Variants in ZNF282 observed in about 807,000 individuals in gnomAD.
ZNF282 encodes the protein HTLV-I U5 repressive element-binding protein 1.
ZNF282 carries 30 observed loss-of-function variants against 61.9 expected under a neutral mutation model. The ratio of observed to expected loss-of-function variants is 0.48; its 90% CI spans 0.36 to 0.66. ZNF282 has a LOEUF of 0.66. ZNF282 is among the 30% of genes least tolerant of loss of function. The pLI, the probability that ZNF282 is intolerant of heterozygous loss-of-function variation, is 0.00. For missense variants in ZNF282, 788 were observed against 941.4 expected, an observed-to-expected ratio of 0.84 and a Z score of 2.13; for synonymous variants, 396 against 405.0, an observed-to-expected ratio of 0.98 and a Z score of 0.27.
At chr7:149,211,698 C>T (rs983072201) in intron 5 of ZNF282, among the ~76,000 whole-genome samples, 13 of 152,256 alleles carry the variant, frequency 8.5e-5, no homozygotes, top group Non-Finnish European at 1.8e-4. Flanking sequence ...CTCATCCCCC[C>T]CTTAGTCAGA....
At position 149,207,427 on chromosome 7, in the gene ZNF282, G is replaced by A. The variant is rs746916083; in HGVS notation, c.789G>A (p.Gln263=). 2 of 1,567,518 alleles carry A rather than the reference G, an allele frequency of 1.3e-6. No homozygotes were observed. The highest frequency in any genetic ancestry group is 4.7e-5 in the East Asian group (2 of 42,566). The change falls in exon 4 of 8, where the codon CAG becomes CAA. Residue 263 remains glutamine (Q), a synonymous_variant. Transcript: ENST00000610704. ...GGGAAGAACCTTGTGTGTGGGAGCA[G>A]CGCCACCCCGAAGAGAGAGAAATCC... is the stretch of plus-strand genomic sequence containing the variant. ...EPREEPCVWE[Q]RHPEEREIPM... is the part of the protein sequence containing the mutation.
intron 7 of ZNF282, among the ~76,000 whole-genome samples, chr7:149,222,223 A>AGGTTGGGTGGCC (rs1371019990): frequency 6.6e-6 from 1 of 152,172 alleles, no homozygotes; most frequent in African/African-American, 2.4e-5. Context: ...CTGGGGTGGT[A>AGGTTGGGTGGCC]GGTTGGGTGG....
intron 4 of ZNF282, among the ~76,000 whole-genome samples, chr7:149,209,331 AC>A (rs1796046101): frequency 6.6e-6 from 1 of 151,000 alleles, no homozygotes; most frequent in South Asian, 2.1e-4. Context: ...AAAAAAAGAA[AC>A]CCCACACCCA....
Position 149,205,849 on chromosome 7 carries a change from C to T in ZNF282, c.586-847C>T, listed in dbSNP as rs376729558. Among the ~76,000 whole-genome samples, 37 of 152,022 alleles carry T rather than the reference C, an allele frequency of 2.4e-4. 2 individuals are homozygous for T. The highest frequency in any genetic ancestry group is 1.5e-3 in the Admixed American group (23 of 15,272). ...ACAGGATGGGGGAGGATTGAGGGGTCGGATTTCAGACCGAGAGTGAAAGGC... is the reference window on the plus strand; with the variant it reads ...ACAGGATGGGGGAGGATTGAGGGGTTGGATTTCAGACCGAGAGTGAAAGGC... On this transcript the variant is annotated intron_variant, in intron 2 of 7. Coordinates refer to ENST00000610704, the MANE Select transcript of ZNF282 (RefSeq NM_003575.4).
intron 4 of ZNF282, among the ~76,000 whole-genome samples, chr7:149,208,222 T>G (rs1212904): frequency 1.3e-5 from 2 of 152,038 alleles, no homozygotes; most frequent in Non-Finnish European, 2.9e-5. Context: ...CAGAGTCTCA[T>G]TCTGTGGTTC....
At chr7:149,209,883 A>G (rs1047818944) in intron 4 of ZNF282, among the ~76,000 whole-genome samples, 4 of 152,204 alleles carry the variant, frequency 2.6e-5, no homozygotes, top group East Asian at 1.9e-4. Flanking sequence ...GGTCTCGGAA[A>G]CTGTGGCTTT....
Position 149,221,906 on chromosome 7 carries a change from A to C in ZNF282, c.1181-1906A>C, listed in dbSNP as rs373943002. Among the ~76,000 whole-genome samples, 10 of 152,276 alleles carry C rather than the reference A, an allele frequency of 6.6e-5. No individual in the cohort carries two copies. The South Asian group carries it at 1.9e-3, about 28-fold the overall frequency. ...GTTGGGTCCTAGGCAGAGGGGTGTG[A>C]GCACGGAGAAAAGGATGCTGAGAAG... On this transcript the variant is annotated intron_variant, in intron 7 of 7. Transcript: ENST00000610704.
At chr7:149,209,485 A>G (rs1227709127) in intron 4 of ZNF282, among the ~76,000 whole-genome samples, 1 of 152,142 alleles carries the variant, frequency 6.6e-6, no homozygotes, top group Non-Finnish European at 1.5e-5. Context: ...GCAGAAGTTT[A>G]AGGTCAGCAG....
Position 149,195,629 on chromosome 7 carries a change from G to A in ZNF282, c.40G>A (p.Gly14Ser), listed in dbSNP as rs1466270476. 2.5e-6 allele frequency: 4 copies of A among 1,610,156 alleles called. No homozygotes were observed. The change falls in exon 1 of 8, where the codon GGC (glycine) becomes AGC (serine). Residue 14 changes from glycine (G) to serine (S), a missense_variant. This residue lies in a region of ZNF282 where 137 missense variants were observed against 135.4 expected (regional missense o/e 1.01). Transcript: ENST00000610704. ...AACACGGCCGCAGCCTCAGCAGCTG[G>A]GCATCCAGGGCCTGGGGCTGGACAG... ...VSTRPQPQQLGIQGLGLDSGS... is the reference protein window; with the variant it reads ...VSTRPQPQQLSIQGLGLDSGS...
chr7:149,201,525 G>T (rs1301904522), intron 2 of ZNF282, among the ~76,000 whole-genome samples: 1 of 152,192 alleles, frequency 6.6e-6, no homozygotes, highest in Admixed American at 6.5e-5. Flanking sequence ...GGCCGGGCAG[G>T]TGGGTCATGT....
At chr7:149,205,641 C>T (rs545069905) in intron 2 of ZNF282, among the ~76,000 whole-genome samples, 1 of 152,182 alleles carries the variant, frequency 6.6e-6, no homozygotes, top group African/African-American at 2.4e-5. Flanking sequence ...ATGGCATTCT[C>T]AGAGTTACAA....
rs375058363 is a variant in ZNF282 at position 149,220,137 on chromosome 7, G to A, written c.1181-3675G>A. On this transcript the variant is annotated intron_variant, in intron 7 of 7. Coordinates refer to ENST00000610704, the MANE Select transcript of ZNF282 (RefSeq NM_003575.4). ...CTTAAAGAATAAAGAAGCCGGGCAC[G>A]GTGGCTCACGCCTGTAATCCCAGCA... 1.1e-4 allele frequency among the ~76,000 whole-genome samples: 17 copies of A among 152,246 alleles called. 1 individual carries two copies. Among genetic ancestry groups the A allele is most frequent in the African/African-American group, 3.9e-4 (16 of 41,548 alleles).
At chr7:149,223,735 T>G in intron 7 of ZNF282, 77 bp from the exon 8 acceptor site, 8 of 1,366,702 alleles carry the variant, frequency 5.9e-6, no homozygotes, top group Non-Finnish European at 7.6e-6. Flanking sequence ...GCATGCTCCC[T>G]GGGCCCCCCT....
At chr7:149,215,255 C>T (rs1234130282) in intron 7 of ZNF282, among the ~76,000 whole-genome samples, 6 of 134,028 alleles carry the variant, frequency 4.5e-5, no homozygotes, top group Non-Finnish European at 9.2e-5. Context: ...CAGGCTGGAG[C>T]GCAGTGGTGC....
chr7:149,221,158 A>G lies in ZNF282; in HGVS notation c.1181-2654A>G, dbSNP rs113502446. Among the ~76,000 whole-genome samples, 265 of 152,244 alleles carry G rather than the reference A, an allele frequency of 1.7e-3. 1 individual carries two copies. Among genetic ancestry groups the G allele is most frequent in the South Asian group, 4.1e-3 (20 of 4,826 alleles). ...GGTCTCAAACTCCTGGGCTCAAGCA[A>G]TCCTTCTGCCTTGGCCTCCCAATGT... is the stretch of plus-strand genomic sequence containing the variant. On this transcript the variant is annotated intron_variant, in intron 7 of 7. Transcript: ENST00000610704.
At chr7:149,216,162 G>C (rs950820692) in intron 7 of ZNF282, among the ~76,000 whole-genome samples, 1 of 152,180 alleles carries the variant, frequency 6.6e-6, no homozygotes, top group African/African-American at 2.4e-5. Context: ...GCAGTGGTGT[G>C]ATCCTGGCTC....
chr7:149,221,111 G>A (rs1429347155), intron 7 of ZNF282, among the ~76,000 whole-genome samples: 1 of 152,102 alleles, frequency 6.6e-6, no homozygotes, highest in Middle Eastern at 3.2e-3. Flanking sequence ...TAGAGATGGG[G>A]TCTCCCTAGG....
At chr7:149,211,593 G>T (rs762134887) in intron 5 of ZNF282, among the ~76,000 whole-genome samples, 6 of 152,130 alleles carry the variant, frequency 3.9e-5, no homozygotes, top group Non-Finnish European at 8.8e-5. Context: ...TCTGGGTACC[G>T]TGGCCGAGCC....
Position 149,224,601 on chromosome 7 carries a change from G to GC in ZNF282, c.1974dup (p.Gly659ArgfsTer11). ...CTGCGCGTGCACAGCGGCGGCCCGG[G>GC]CCCCGGCGCCCCACGGCAGCTCCCG... On this transcript the variant is annotated frameshift_variant, in exon 8 of 8. Coordinates refer to ENST00000610704, the MANE Select transcript of ZNF282 (RefSeq NM_003575.4). LOFTEE classifies it high-confidence loss of function. The GC allele has an allele frequency of 6.4e-7, 1 of 1,559,952 alleles. No individual in the cohort carries two copies. The highest frequency in any genetic ancestry group is 8.6e-7 in the Non-Finnish European group (1 of 1,157,754).
Sources: allele counts gnomAD v4.1 joint callset (sites outside exome capture counted in the v4.1 genomes callset), GRCh38; gene constraint gnomAD v4.1.1; regional missense constraint gnomAD v4.1.1; transcripts MANE v1.5; gene names NCBI Gene and HGNC (gene_info 2026-07-23, HGNC 2026-07-21).